The following GRID1 variants were observed in gnomAD, a reference collection of about 807,000 sequenced individuals.
GRID1 encodes the protein glutamate receptor ionotropic, delta-1.
GRID1 carries 28 observed loss-of-function variants against 98.0 expected under a neutral mutation model. The ratio of observed to expected loss-of-function variants is 0.29; its 90% confidence interval spans 0.21 to 0.39. GRID1 has a LOEUF of 0.39. GRID1 is among the 10% of genes least tolerant of loss of function. The pLI is 1.00. For missense variants in GRID1, 1,111 were observed against 1,340.5 expected, an observed-to-expected ratio of 0.83 and a Z score of 2.67; for synonymous variants, 553 against 538.5, an observed-to-expected ratio of 1.03 and a Z score of -0.37.
chr10:85,613,733 C>T lies in GRID1; in HGVS notation c.2361-86G>A, dbSNP rs1019945041. 1.2e-5 allele frequency: 18 copies of T among 1,490,820 alleles called. No homozygotes were observed. In the African/African-American group the frequency reaches 2.1e-4, roughly 17 times the overall value. 92.3% of individuals were successfully genotyped at this position (1,490,820 alleles called of 1,614,324 possible). A position where few individuals can be genotyped will look rare whatever the true frequency, so the allele number is the denominator to read the frequency against. On this transcript the variant is annotated intron_variant, in intron 14 of 15. Transcript: ENST00000327946. ...CCTGGCCCCTGCCCCACCATGCTGG[C>T]CCCACCACAGACAACATTGAGCCAT... is the stretch of plus-strand genomic sequence containing the variant.
chr10:86,084,294 G>A (rs891349741), intron 4 of GRID1, among the ~76,000 whole-genome samples: 4 of 151,868 alleles, frequency 2.6e-5, no homozygotes, highest in Non-Finnish European at 5.9e-5. Context: ...ATACTCATTA[G>A]GATGGCTACT....
At chr10:85,652,155 G>A (rs1347891721) in intron 12 of GRID1, among the ~76,000 whole-genome samples, 1 of 152,144 alleles carries the variant, frequency 6.6e-6, no homozygotes, top group Non-Finnish European at 1.5e-5. Flanking sequence ...GCATCCTTCA[G>A]CTGTGGCCGA....
intron 4 of GRID1, among the ~76,000 whole-genome samples, chr10:85,952,732 C>T (rs76551669): frequency 0.011 from 1,733 of 152,208 alleles, 30 homozygotes; most frequent in African/African-American, 0.038. Context: ...TATGATCCCC[C>T]CCTCCAAACC....
intron 2 of GRID1, among the ~76,000 whole-genome samples, chr10:86,351,043 C>A (rs1029875001): frequency 6.6e-6 from 1 of 152,222 alleles, no homozygotes; most frequent in African/African-American, 2.4e-5. Flanking sequence ...CATGCAGATG[C>A]CTCTGCTTTT....
At chr10:86,305,482 T>G (rs772514709) in intron 2 of GRID1, among the ~76,000 whole-genome samples, 5 of 152,240 alleles carry the variant, frequency 3.3e-5, no homozygotes, top group Non-Finnish European at 5.9e-5. Flanking sequence ...CATGTGATTC[T>G]CAGACCTCAC....
At position 86,366,279 on chromosome 10, in the gene GRID1, C is replaced by T. The variant is rs569818821; in HGVS notation, c.79+35G>A. ...GCACCCCCTGCCCCGTTGGGGCCCC[C>T]GCCCAGCCTCGGCCCGGCCTCCAGC... On this transcript the variant is annotated intron_variant, in intron 1 of 15. Transcript: ENST00000327946. This position sits in a 1 kb window ranked among gnomAD's most constrained non-coding sequence, Gnocchi z 4.1. 2.1e-6 allele frequency: 3 copies of T among 1,443,782 alleles called. No individual in the cohort carries two copies. Among genetic ancestry groups the T allele is most frequent in the Non-Finnish European group, 2.8e-6 (3 of 1,082,744 alleles). 89.4% of individuals were successfully genotyped at this position (1,443,782 alleles called of 1,614,324 possible). A position where few individuals can be genotyped will look rare whatever the true frequency, so the allele number is the denominator to read the frequency against.
chr10:85,687,637 A>G (rs74756733), intron 12 of GRID1, among the ~76,000 whole-genome samples: 3 of 141,102 alleles, frequency 2.1e-5, no homozygotes, highest in Admixed American at 1.4e-4. Context: ...CTCAAATACC[A>G]AAAAAAAAGA....
At chr10:86,127,857 T>C (rs2131964257) in intron 4 of GRID1, among the ~76,000 whole-genome samples, 1 of 152,288 alleles carries the variant, frequency 6.6e-6, no homozygotes, top group East Asian at 1.9e-4. Context: ...AGATTGGTTC[T>C]ACAATCTCAG....
chr10:86,265,339 C>T (rs1213539167), intron 2 of GRID1, among the ~76,000 whole-genome samples: 1 of 152,274 alleles, frequency 6.6e-6, no homozygotes, highest in Admixed American at 6.5e-5. Context: ...TGAATTTCAG[C>T]AGCATTTGAT....
At chr10:85,681,142 A>G (rs939556278) in intron 12 of GRID1, among the ~76,000 whole-genome samples, 1 of 152,118 alleles carries the variant, frequency 6.6e-6, no homozygotes, top group African/African-American at 2.4e-5. Flanking sequence ...GTAAAATTTA[A>G]AAAAGAAAGA....
At chr10:85,615,684 C>T (rs1439262169) in intron 14 of GRID1, among the ~76,000 whole-genome samples, 1 of 152,210 alleles carries the variant, frequency 6.6e-6, no homozygotes, top group East Asian at 1.9e-4. Flanking sequence ...TCATGGCACA[C>T]CACATGGTGA....
At chr10:86,041,404 C>T (rs1364060551) in intron 4 of GRID1, among the ~76,000 whole-genome samples, 1 of 152,212 alleles carries the variant, frequency 6.6e-6, no homozygotes, top group East Asian at 1.9e-4. Context: ...GTGCATTAGC[C>T]ACATCCTGTT....
intron 2 of GRID1, among the ~76,000 whole-genome samples, chr10:86,276,544 C>A (rs988784771): frequency 3.3e-5 from 5 of 151,494 alleles, no homozygotes; most frequent in African/African-American, 4.9e-5. Context: ...ACTTTGTCAC[C>A]CAGGCTGGAG....
At chr10:86,247,928 T>C (rs377645823) in intron 2 of GRID1, among the ~76,000 whole-genome samples, 3 of 152,180 alleles carry the variant, frequency 2.0e-5, no homozygotes, top group Admixed American at 1.3e-4. Flanking sequence ...TGTTGGTAGT[T>C]GTCTCCAGAT....
intron 12 of GRID1, among the ~76,000 whole-genome samples, chr10:85,694,590 AT>A (rs1450056913): frequency 5.1e-5 from 6 of 117,414 alleles, no homozygotes; most frequent in East Asian, 6.1e-4. Context: ...ATATATATAT[AT>A]ATATATATAT....
intron 12 of GRID1, among the ~76,000 whole-genome samples, chr10:85,694,352 T>C (rs1246651145): frequency 6.6e-6 from 1 of 151,848 alleles, no homozygotes; most frequent in Non-Finnish European, 1.5e-5. Flanking sequence ...ACAACATCTA[T>C]GGAAAACTGT....
chr10:86,306,760 C>G (rs2132085340), intron 2 of GRID1, among the ~76,000 whole-genome samples: 1 of 152,342 alleles, frequency 6.6e-6, no homozygotes, highest in South Asian at 2.1e-4. Context: ...ACCATGTTGA[C>G]ATTAAAGAGT....
chr10:85,654,109 A>C (rs1840864710), intron 12 of GRID1, among the ~76,000 whole-genome samples: 1 of 152,120 alleles, frequency 6.6e-6, no homozygotes, highest in African/African-American at 2.4e-5. Context: ...CACAGCAGGA[A>C]AATGCACGCT....
intron 5 of GRID1, among the ~76,000 whole-genome samples, chr10:85,902,804 C>T (rs1040688093): frequency 6.6e-6 from 1 of 152,170 alleles, no homozygotes; most frequent in Admixed American, 6.5e-5. Context: ...CGGCATTCCC[C>T]TTCTAGGTCA....
Sources: allele counts gnomAD v4.1 joint callset (sites outside exome capture counted in the v4.1 genomes callset), GRCh38; gene constraint gnomAD v4.1.1; non-coding constraint Gnocchi (gnomAD v3.1); transcripts MANE v1.5; gene names NCBI Gene and HGNC (gene_info 2026-07-23, HGNC 2026-07-21).